DNAAF9: variants seen among roughly 807,000 people sequenced by gnomAD.
DNAAF9 encodes the protein shulin.
In DNAAF9, 90 loss-of-function variants were observed where a neutral mutation model predicts 167.0. The ratio of observed to expected loss-of-function variants is 0.54; its 90% CI spans 0.45 to 0.64. The LOEUF is 0.64. Among genes scored for constraint, DNAAF9 ranks in the 30% least tolerant of loss-of-function variants. The pLI is 0.00. For synonymous variants in DNAAF9, 491 were observed against 508.8 expected (o/e 0.96, Z 0.47); for missense variants, 1,315 against 1,442.2 (o/e 0.91, Z 1.43).
intron 23 of DNAAF9, chr20:3,296,369 G>C (rs1412424309): frequency 3.1e-6 from 1 of 319,818 alleles, no homozygotes; most frequent in Non-Finnish European, 6.1e-6. Context: ...GCTCCTGGCA[G>C]TGGGGACATT....
chr20:3,267,331 C>G (rs150208009), intron 30 of DNAAF9, among the ~76,000 whole-genome samples: 143 of 152,248 alleles, frequency 9.4e-4, no homozygotes, highest in African/African-American at 3.4e-3. Context: ...TTGAGTACTT[C>G]CTTGCTTTAT....
intron 31 of DNAAF9, among the ~76,000 whole-genome samples, chr20:3,263,805 T>C (rs2068436916): frequency 6.6e-6 from 1 of 152,260 alleles, no homozygotes; most frequent in South Asian, 2.1e-4. Context: ...GACTGAATTA[T>C]AAATTTTGAT....
At chr20:3,331,169 C>T (rs1481863148) in intron 11 of DNAAF9, among the ~76,000 whole-genome samples, 1 of 152,194 alleles carries the variant, frequency 6.6e-6, no homozygotes, top group African/African-American at 2.4e-5. Context: ...CCTCCTGAAC[C>T]TTCACCCGCA....
chr20:3,294,304 T>A, intron 24 of DNAAF9, 48 bp from the exon 25 acceptor site: 3 of 1,241,670 alleles, frequency 2.4e-6, no homozygotes, highest in Non-Finnish European at 3.5e-6. Flanking sequence ...TAGCCTGTCC[T>A]GAAGGTGCCT....
intron 21 of DNAAF9, among the ~76,000 whole-genome samples, chr20:3,301,321 G>C (rs1018251320): frequency 8.5e-5 from 13 of 152,128 alleles, no homozygotes; most frequent in African/African-American, 2.9e-4. Context: ...CTGAGTACCT[G>C]GGACTACAGG....
At chr20:3,351,223 T>C (rs749620917) in intron 7 of DNAAF9, among the ~76,000 whole-genome samples, 3 of 152,210 alleles carry the variant, frequency 2.0e-5, no homozygotes, top group Non-Finnish European at 4.4e-5. Flanking sequence ...GCAGGTGCAG[T>C]GGCTCATGCC....
Position 3,381,517 on chromosome 20 carries a change from T to C in DNAAF9, c.164-19A>G. On this transcript the variant is annotated intron_variant, in intron 2 of 36. Transcript: ENST00000252032. The stretch of plus-strand genomic sequence containing the variant: ...TCGATTCCTGCAAGGCAAAGGAGGC[T>C]CTGATCAGCTGTACCATACTACAGG... 3 of 1,611,836 alleles carry C rather than the reference T, an allele frequency of 1.9e-6. No homozygotes were observed. The highest frequency in any genetic ancestry group is 2.5e-6 in the Non-Finnish European group (3 of 1,179,388).
chr20:3,257,094 G>C (rs1052905043), intron 33 of DNAAF9, among the ~76,000 whole-genome samples: 1 of 152,212 alleles, frequency 6.6e-6, no homozygotes, highest in Non-Finnish European at 1.5e-5. Flanking sequence ...ATGCTAAGGA[G>C]ATGAGGGCTA....
Position 3,252,450 on chromosome 20 carries a change from C to T in DNAAF9, c.*122G>A, listed in dbSNP as rs765440203. On this transcript the variant is annotated 3_prime_UTR_variant, in exon 37 of 37. Transcript: ENST00000252032. Reference sequence around the variant, plus strand: ...CAACATGCACTCAAGCCAGCCCACACAGGCCAAGGAGAACAAAGACAGCCC... The same window carrying T: ...CAACATGCACTCAAGCCAGCCCACATAGGCCAAGGAGAACAAAGACAGCCC... The T allele has an allele frequency of 2.4e-5, 16 of 669,546 alleles. No individual in the cohort carries two copies. Among genetic ancestry groups the T allele is most frequent in the Non-Finnish European group, 4.1e-5 (15 of 367,580 alleles). 41.5% of individuals were successfully genotyped at this position (669,546 alleles called of 1,614,324 possible). A position where few individuals can be genotyped will look rare whatever the true frequency, so the allele number is the denominator to read the frequency against.
intron 14 of DNAAF9, 40 bp from the exon 15 acceptor site, chr20:3,322,736 T>C (rs773485500): frequency 1.3e-6 from 2 of 1,482,312 alleles, no homozygotes; most frequent in Admixed American, 3.3e-5. Flanking sequence ...ATCAGTCTGC[T>C]CCTGCTCCTC....
intron 29 of DNAAF9, 152 bp downstream of exon 29, chr20:3,278,760 A>C (rs1363904120): frequency 2.6e-5 from 19 of 737,832 alleles, no homozygotes; most frequent in Non-Finnish European, 4.7e-5. Flanking sequence ...TGCCTATCAA[A>C]TATGGTAAAA....
intron 6 of DNAAF9, among the ~76,000 whole-genome samples, chr20:3,373,601 A>C (rs1233770633): frequency 6.6e-6 from 1 of 152,232 alleles, no homozygotes; most frequent in Non-Finnish European, 1.5e-5. Flanking sequence ...TTGATCTTGA[A>C]TAGTTCTCAA....
intron 6 of DNAAF9, among the ~76,000 whole-genome samples, chr20:3,365,761 C>T (rs999136883): frequency 6.6e-6 from 1 of 152,176 alleles, no homozygotes; most frequent in Non-Finnish European, 1.5e-5. Context: ...CATGCCACTG[C>T]TTTATTAACT....
At chr20:3,312,233 C>T (rs915005625) in intron 20 of DNAAF9, among the ~76,000 whole-genome samples, 20 of 152,130 alleles carry the variant, frequency 1.3e-4, no homozygotes, top group African/African-American at 4.8e-4. Context: ...GGTGATTCGC[C>T]CGCCTTGGCC....
chr20:3,386,347 T>C (rs2083737293), intron 1 of DNAAF9, among the ~76,000 whole-genome samples: 1 of 152,162 alleles, frequency 6.6e-6, no homozygotes, highest in African/African-American at 2.4e-5. Flanking sequence ...ACTAACTAAT[T>C]TTTAACAAAG....
chr20:3,407,073 T>C (rs2084069573), intron 1 of DNAAF9, among the ~76,000 whole-genome samples: 1 of 152,108 alleles, frequency 6.6e-6, no homozygotes, highest in Non-Finnish European at 1.5e-5. Flanking sequence ...GAGGGAAACA[T>C]TCCCTGGGGA....
chr20:3,322,707 GAAAC>G lies in DNAAF9; in HGVS notation c.1266-15_1266-12del. ...AAAGTCATCTTGGAGCTGTAGACCA[GAAAC>G]AAAACAAAAGAAAAATCAGTCTGCT... On this transcript the variant is annotated splice_polypyrimidine_tract_variant and intron_variant, in intron 14 of 36. Transcript: ENST00000252032. 6.2e-7 allele frequency: 1 copy of G among 1,609,108 alleles called. No homozygotes were observed. Among genetic ancestry groups the G allele is most frequent in the African/African-American group, 1.3e-5 (1 of 74,936 alleles).
intron 6 of DNAAF9, among the ~76,000 whole-genome samples, chr20:3,368,809 C>T (rs563131986): frequency 3.4e-4 from 51 of 152,152 alleles, no homozygotes; most frequent in South Asian, 2.3e-3. Flanking sequence ...TGAGCCACTG[C>T]GCCCGGCCAT....
chr20:3,325,616 G>A (rs894037259), intron 13 of DNAAF9, among the ~76,000 whole-genome samples: 1 of 152,138 alleles, frequency 6.6e-6, no homozygotes, highest in Non-Finnish European at 1.5e-5. Flanking sequence ...CTTCAGAAAA[G>A]GTCCTATTGG....
Sources: gnomAD v4.1 joint callset for allele counts (sites outside exome capture counted in the v4.1 genomes callset) on GRCh38, gnomAD v4.1.1 for gene constraint, MANE v1.5 for transcripts, NCBI Gene and HGNC (gene_info 2026-07-23, HGNC 2026-07-21) for gene names.